The following PRR14L variants were observed in gnomAD, a reference collection of about 807,000 sequenced individuals.
PRR14L encodes the protein proline rich 14 like, also known as protein PRR14L.
A neutral mutation model predicts 155.0 loss-of-function variants in PRR14L; 80 were observed. The ratio of observed to expected loss-of-function variants is 0.52; its 90% confidence interval spans 0.43 to 0.62. The LOEUF is 0.62. PRR14L is among the 20% of genes least tolerant of loss of function. The probability of loss-of-function intolerance (pLI) is 0.00; values close to 1 mark genes in which losing one functional copy is unlikely to be tolerated. For missense variants in PRR14L, 2,469 were observed against 2,548.0 expected (o/e 0.97, Z 0.67); for synonymous variants, 883 against 916.0 (o/e 0.96, Z 0.65).
chr22:31,725,115 G>T (rs184948894), intron 3 of PRR14L, among the ~76,000 whole-genome samples: 3 of 152,282 alleles, frequency 2.0e-5, no homozygotes, highest in East Asian at 3.9e-4. Flanking sequence ...AAAGGGACTT[G>T]CTGGGTGCGG....
rs1385663089 is a variant in PRR14L at position 31,713,016 on chromosome 22, T to C, written c.4823A>G (p.Lys1608Arg). 9 of 1,552,094 alleles carry C rather than the reference T, an allele frequency of 5.8e-6. No homozygotes were observed. The highest frequency in any genetic ancestry group is 1.4e-5 in the African/African-American group (1 of 73,046). The change falls in exon 4 of 9, where the codon AAG becomes AGG. Residue 1608 changes from lysine (K) to arginine (R), a missense_variant. Physicochemically the swap from Lys to Arg is conservative, Grantham distance 26. Around this residue, in one of 2 missense-constraint regions of PRR14L, gnomAD observed 2,363 missense variants for 2,371.6 expected, o/e 1.00. Transcript: ENST00000327423. Reference sequence around the variant, plus strand: ...TAGTAAGGCTGATTCTTTGGTAGTCTTCCTAAAATTCAGGCTCCTCAAGGG... The same window carrying C: ...TAGTAAGGCTGATTCTTTGGTAGTCCTCCTAAAATTCAGGCTCCTCAAGGG... ...CHPLRSLNFR[K>R]TTKESALLNK...
Position 31,715,918 on chromosome 22 carries a change from G to A in PRR14L, c.1921C>T (p.Leu641=). Residue 641 remains leucine (L), a synonymous_variant, in exon 4 of 9, where the codon CTG becomes TTG. Coordinates refer to ENST00000327423, the MANE Select transcript of PRR14L (RefSeq NM_173566.3). ...EMNELSCTNE[L]VVNKVESECV... is the part of the protein sequence containing the mutation. ...TCACTTTCTACTTTGTTTACAACCA[G>A]TTCATTGGTACAAGAAAGTTCATTC... 6.4e-7 allele frequency: 1 copy of A among 1,551,612 alleles called. No homozygotes were observed.
intron 4 of PRR14L, among the ~76,000 whole-genome samples, chr22:31,706,597 T>C (rs921960153): frequency 3.8e-4 from 58 of 151,954 alleles, no homozygotes; most frequent in Admixed American, 2.8e-3. Flanking sequence ...TTAATTTTTG[T>C]ATTCTTAGTA....
intron 2 of PRR14L, 53 bp from the exon 3 acceptor site, chr22:31,725,663 T>G (rs1238242925): frequency 9.9e-7 from 1 of 1,005,624 alleles, no homozygotes; most frequent in African/African-American, 1.6e-5. Context: ...TCTGAGTTAA[T>G]GAATATTATT....
chr22:31,739,720 A>G (rs957771546), intron 1 of PRR14L, among the ~76,000 whole-genome samples: 5 of 152,200 alleles, frequency 3.3e-5, no homozygotes, highest in African/African-American at 1.2e-4. Context: ...GAGGTATATT[A>G]AGAGAGAAAG....
rs747627516 is a variant in PRR14L at position 31,712,444 on chromosome 22, G to C, written c.5395C>G (p.Pro1799Ala). 8.3e-6 allele frequency: 13 copies of C among 1,558,970 alleles called. No homozygotes were observed. The highest frequency in any genetic ancestry group is 1.4e-5 in the African/African-American group (1 of 73,316). The part of the protein sequence containing the change: ...HTQAPPQPPA[P>A]LQDYGGTAIV... The stretch of plus-strand genomic sequence containing the variant: ...GCAGTGCCTCCATAGTCTTGGAGAG[G>C]AGCTGGAGGCTGGGGAGGAGCCTGA... Residue 1799 changes from proline to alanine, a missense_variant, in exon 4 of 9, where the codon CCT becomes GCT. Pro to Ala is a conservative substitution (Grantham distance 27). Coordinates refer to ENST00000327423, the MANE Select transcript of PRR14L (RefSeq NM_173566.3).
chr22:31,716,887 G>A lies in PRR14L; in HGVS notation c.952C>T (p.His318Tyr). The A allele has an allele frequency of 6.4e-7, 1 of 1,551,720 alleles. No individual in the cohort carries two copies. The highest frequency in any genetic ancestry group is 8.7e-7 in the Non-Finnish European group (1 of 1,146,998). Residue 318 changes from histidine (H) to tyrosine (Y), a missense_variant, in exon 4 of 9, where the codon CAC (histidine) becomes TAC (tyrosine). This residue lies in a region of PRR14L where 2,363 missense variants were observed against 2,371.6 expected (regional missense o/e 1.00). Transcript: ENST00000327423. ...ADDNHQQLHG[H>Y]HNEQPSSTHD... Reference sequence around the variant, plus strand: ...GTAGAACTGGGTTGTTCATTATGGTGGCCATGAAGCTGTTGGTGATTGTCA... The same window carrying A: ...GTAGAACTGGGTTGTTCATTATGGTAGCCATGAAGCTGTTGGTGATTGTCA...
chr22:31,714,840 G>A lies in PRR14L; in HGVS notation c.2999C>T (p.Thr1000Ile). ...KEMLSSDQRE[T>I]VTEPHGEVNH... ...TACCTCCCCGTGAGGCTCGGTGACA[G>A]TCTCTCTCTGGTCACTACTTAGCAT... The change falls in exon 4 of 9, where the codon ACT becomes ATT. Residue 1000 changes from threonine to isoleucine, a missense_variant. Transcript: ENST00000327423. The A allele has an allele frequency of 1.3e-6, 2 of 1,552,016 alleles. No homozygotes were observed. The highest frequency in any genetic ancestry group is 1.7e-6 in the Non-Finnish European group (2 of 1,147,056).
chr22:31,739,707 G>A (rs1335213226), intron 1 of PRR14L, among the ~76,000 whole-genome samples: 2 of 152,204 alleles, frequency 1.3e-5, no homozygotes, highest in South Asian at 2.1e-4. Context: ...GAGGATGAAA[G>A]TGGAGGTATA....
chr22:31,723,107 T>C (rs2074699669), intron 3 of PRR14L, among the ~76,000 whole-genome samples: 1 of 152,126 alleles, frequency 6.6e-6, no homozygotes, highest in South Asian at 2.1e-4. Flanking sequence ...CCTGGAATGT[T>C]CTTGGGGGAC....
In PRR14L at chr22:31,715,754, C is replaced by G. The variant is rs1025417405; in HGVS notation, c.2085G>C (p.Glu695Asp). 1 of 1,551,908 alleles carries G rather than the reference C, an allele frequency of 6.4e-7. No individual in the cohort carries two copies. The highest frequency in any genetic ancestry group is 8.7e-7 in the Non-Finnish European group (1 of 1,147,036). ...DAHQSHHPPL[E>D]GRADVIADIQ... ...TATCAGCAATGACATCTGCTCTACC[C>G]TCTAATGGAGGGTGATGGCTCTGAT... is the stretch of plus-strand genomic sequence containing the variant. Residue 695 changes from glutamate to aspartate, a missense_variant, in exon 4 of 9, where the codon GAG becomes GAC. Coordinates refer to ENST00000327423, the MANE Select transcript of PRR14L (RefSeq NM_173566.3).
At chr22:31,691,377 G>A (rs1206817047) in intron 7 of PRR14L, among the ~76,000 whole-genome samples, 5 of 152,132 alleles carry the variant, frequency 3.3e-5, no homozygotes, top group Non-Finnish European at 7.4e-5. Context: ...ACAGGGTTGA[G>A]CCACGATGCC....
At chr22:31,708,453 A>C (rs1474626269) in intron 4 of PRR14L, among the ~76,000 whole-genome samples, 1 of 151,398 alleles carries the variant, frequency 6.6e-6, no homozygotes, top group Admixed American at 6.6e-5. Flanking sequence ...CAGCCTCCTG[A>C]GTAGCTGGGA....
At position 31,684,071 on chromosome 22, in the gene PRR14L, G is replaced by A. The variant is rs932331381; in HGVS notation, c.*1456C>T. ...TTAATTCTCTAAACTCTTGTTTTGAGAGAGAAAGAGAAACCCCTAGAGAAG... is the reference window on the plus strand; with the variant it reads ...TTAATTCTCTAAACTCTTGTTTTGAAAGAGAAAGAGAAACCCCTAGAGAAG... On this transcript the variant is annotated 3_prime_UTR_variant, in exon 9 of 9. Coordinates refer to ENST00000327423, the MANE Select transcript of PRR14L (RefSeq NM_173566.3). 1 of 152,214 alleles carries A rather than the reference G, an allele frequency of 6.6e-6. No individual in the cohort carries two copies. The highest frequency in any genetic ancestry group is 2.4e-5 in the African/African-American group (1 of 41,432). 9.4% of individuals were successfully genotyped at this position (152,214 alleles called of 1,614,324 possible). A position where few individuals can be genotyped will look rare whatever the true frequency, so the allele number is the denominator to read the frequency against.
chr22:31,706,603 T>TA (rs2074593652), intron 4 of PRR14L, among the ~76,000 whole-genome samples: 1 of 151,960 alleles, frequency 6.6e-6, no homozygotes, highest in Non-Finnish European at 1.5e-5. Context: ...TTTGTATTCT[T>TA]AGTAGACACG....
chr22:31,714,705 C>T lies in PRR14L; in HGVS notation c.3134G>A (p.Cys1045Tyr). 3 of 1,552,394 alleles carry T rather than the reference C, an allele frequency of 1.9e-6. No homozygotes were observed. The highest frequency in any genetic ancestry group is 2.6e-6 in the Non-Finnish European group (3 of 1,147,134). The change falls in exon 4 of 9, where the codon TGT becomes TAT. Residue 1045 changes from cysteine (C) to tyrosine (Y), a missense_variant. Transcript: ENST00000327423. ...TACCATACCTTCTGTGGACTCATCA[C>T]AACCAGACATCTTGACAAAGGCTCC... ...LKGAFVKMSGCDESTEGMVDI... is the reference protein window; with the variant it reads ...LKGAFVKMSGYDESTEGMVDI...
At chr22:31,748,782 C>T (rs1305367239) in intron 1 of PRR14L, among the ~76,000 whole-genome samples, 2 of 152,192 alleles carry the variant, frequency 1.3e-5, no homozygotes, top group Non-Finnish European at 2.9e-5. Context: ...CGTCTGGCAT[C>T]AGGTCTCACT....
chr22:31,739,869 G>C (rs114296410), intron 1 of PRR14L, among the ~76,000 whole-genome samples: 1 of 152,096 alleles, frequency 6.6e-6, no homozygotes, highest in Admixed American at 6.6e-5. Flanking sequence ...CAGGGCCAGG[G>C]TTTCTTGGCT....
intron 1 of PRR14L, among the ~76,000 whole-genome samples, chr22:31,741,060 T>C (rs1159370402): frequency 1.3e-5 from 2 of 151,860 alleles, no homozygotes; most frequent in African/African-American, 4.8e-5. Flanking sequence ...AAGACCATCC[T>C]GGCTAACACG....
Sources: gnomAD v4.1 joint callset for allele counts (sites outside exome capture counted in the v4.1 genomes callset) on GRCh38, gnomAD v4.1.1 for gene constraint, gnomAD v4.1.1 regional missense constraint, MANE v1.5 for transcripts, NCBI Gene and HGNC (gene_info 2026-07-23, HGNC 2026-07-21) for gene names.